ST6GALNAC3: variants seen among roughly 807,000 people sequenced by gnomAD.
ST6GALNAC3 encodes the protein ST6 N-acetylgalactosaminide alpha-2,6-sialyltransferase 3, also known as alpha-N-acetylgalactosaminide alpha-2,6-sialyltransferase 3.
A neutral mutation model predicts 32.7 loss-of-function variants in ST6GALNAC3; 25 were observed. The ratio of observed to expected loss-of-function variants is 0.76; its 90% CI spans 0.56 to 1.07. The LOEUF (loss-of-function observed/expected upper bound fraction) is 1.07, where lower values mean the gene tolerates loss of function less well. Ranked by LOEUF, ST6GALNAC3 falls within the 50% of genes least tolerant of loss-of-function variation. The pLI is 0.00. For synonymous variants in ST6GALNAC3, 129 were observed against 133.1 expected (o/e 0.97, Z 0.21); for missense variants, 355 against 382.4 (o/e 0.93, Z 0.60).
At chr1:76,217,640 A>T (rs891104047) in intron 1 of ST6GALNAC3, among the ~76,000 whole-genome samples, 1 of 152,158 alleles carries the variant, frequency 6.6e-6, no homozygotes, top group African/African-American at 2.4e-5. Flanking sequence ...CACTGTACCC[A>T]ATGTGTAGTC....
At chr1:76,115,216 C>T (rs929746619) in intron 1 of ST6GALNAC3, among the ~76,000 whole-genome samples, 18 of 152,066 alleles carry the variant, frequency 1.2e-4, no homozygotes, top group East Asian at 1.9e-4. Flanking sequence ...CCAGGCACTT[C>T]GTGGTGGAAA....
intron 1 of ST6GALNAC3, among the ~76,000 whole-genome samples, chr1:76,275,383 T>C (rs1317631830): frequency 2.0e-5 from 3 of 152,212 alleles, no homozygotes; most frequent in African/African-American, 7.2e-5. Context: ...TTTTGAAATA[T>C]TAAACTCTGA....
At position 76,484,185 on chromosome 1, in the gene ST6GALNAC3, G is replaced by T. The variant is rs1018658336; in HGVS notation, c.623+71768G>T. 2.4e-4 allele frequency among the ~76,000 whole-genome samples: 37 copies of T among 152,194 alleles called. 2 individuals carry two copies. The highest frequency in any genetic ancestry group is 2.3e-3 in the Admixed American group (35 of 15,278). On this transcript the variant is annotated intron_variant, in intron 3 of 4. Coordinates refer to ENST00000328299, the MANE Select transcript of ST6GALNAC3 (RefSeq NM_152996.4). ...CCTCCAGCTTTGTTCTTTTGGCTTA[G>T]GATTGACTTGGCAATGTGGGCTCTT...
chr1:76,332,794 A>G (rs1360016178), intron 2 of ST6GALNAC3, among the ~76,000 whole-genome samples: 2 of 152,282 alleles, frequency 1.3e-5, no homozygotes, highest in East Asian at 3.9e-4. Flanking sequence ...CCTAAATTAT[A>G]CAGTATACTT....
chr1:76,595,528 T>C (rs1340364312), intron 3 of ST6GALNAC3, among the ~76,000 whole-genome samples: 2 of 152,122 alleles, frequency 1.3e-5, no homozygotes, highest in South Asian at 2.1e-4. Flanking sequence ...GCTTAATCGA[T>C]TGCACACTTA....
At chr1:76,498,107 G>T (rs1387275065) in intron 3 of ST6GALNAC3, among the ~76,000 whole-genome samples, 1 of 152,124 alleles carries the variant, frequency 6.6e-6, no homozygotes, top group Non-Finnish European at 1.5e-5. Context: ...TCAGTAAACA[G>T]GCCACACAGC....
In ST6GALNAC3 at chr1:76,248,826, A is replaced by G. The variant is rs190324338; in HGVS notation, c.19-64979A>G. On this transcript the variant is annotated intron_variant, in intron 1 of 4. Transcript: ENST00000328299. ...TTCTTTTCCTTTGTTTGTTCACGTG[A>G]CAGAGGTGGAAAGAGGATGACACAT... Among the ~76,000 whole-genome samples the G allele has an allele frequency of 9.8e-4, 148 of 151,034 alleles. 1 individual carries two copies. Among genetic ancestry groups the G allele is most frequent in the African/African-American group, 3.3e-3 (134 of 41,034 alleles).
At chr1:76,251,894 C>T (rs1244815067) in intron 1 of ST6GALNAC3, among the ~76,000 whole-genome samples, 3 of 152,144 alleles carry the variant, frequency 2.0e-5, no homozygotes, top group Non-Finnish European at 2.9e-5. Flanking sequence ...AGAAGATACG[C>T]TCCTTAAAGG....
chr1:76,630,111 TG>T lies in ST6GALNAC3; in HGVS notation c.*1306del, dbSNP rs1266253751. ...TGTGTATTCTGCTCTCTTTAGCAGA[TG>T]ATCTGTAATTTGGTCATTGTTCTGT... is the stretch of plus-strand genomic sequence containing the variant. On this transcript the variant is annotated 3_prime_UTR_variant, in exon 5 of 5. Coordinates refer to ENST00000328299, the MANE Select transcript of ST6GALNAC3 (RefSeq NM_152996.4). 1 of 985,148 alleles carries T rather than the reference TG, an allele frequency of 1.0e-6. No homozygotes were observed. Among genetic ancestry groups the T allele is most frequent in the Non-Finnish European group, 1.2e-6 (1 of 829,818 alleles). 61.0% of individuals were successfully genotyped at this position (985,148 alleles called of 1,614,324 possible).
chr1:76,411,885 G>A, intron 2 of ST6GALNAC3, 123 bp from the exon 3 acceptor site: 3 of 1,053,230 alleles, frequency 2.8e-6, no homozygotes, highest in Non-Finnish European at 4.0e-6. Context: ...GGTATTTGTA[G>A]GTACTTCAGA....
intron 3 of ST6GALNAC3, among the ~76,000 whole-genome samples, chr1:76,566,298 G>A (rs560017819): frequency 6.5e-4 from 99 of 152,224 alleles, no homozygotes; most frequent in African/African-American, 2.0e-3. Context: ...ATGGACTATG[G>A]CAAGAACCTC....
At chr1:76,122,835 T>C (rs1648974728) in intron 1 of ST6GALNAC3, among the ~76,000 whole-genome samples, 1 of 152,136 alleles carries the variant, frequency 6.6e-6, no homozygotes, top group Non-Finnish European at 1.5e-5. Flanking sequence ...GTTGTGCATA[T>C]GCGGCATGCT....
At chr1:76,409,327 G>C (rs960081323) in intron 2 of ST6GALNAC3, among the ~76,000 whole-genome samples, 1 of 151,976 alleles carries the variant, frequency 6.6e-6, no homozygotes, top group African/African-American at 2.4e-5. Context: ...ACTCATAAAT[G>C]GGCCTTTGTG....
chr1:76,550,969 A>T (rs929118609), intron 3 of ST6GALNAC3, among the ~76,000 whole-genome samples: 1 of 152,120 alleles, frequency 6.6e-6, no homozygotes. Context: ...CACGTTTGCC[A>T]GTCTGGTCTT....
At chr1:76,581,806 T>A (rs748909196) in intron 3 of ST6GALNAC3, among the ~76,000 whole-genome samples, 1 of 152,146 alleles carries the variant, frequency 6.6e-6, no homozygotes, top group Non-Finnish European at 1.5e-5. Flanking sequence ...ATATATTGGG[T>A]GTAAATCTGC....
chr1:76,433,905 C>T (rs1655946415), intron 3 of ST6GALNAC3, among the ~76,000 whole-genome samples: 1 of 152,174 alleles, frequency 6.6e-6, no homozygotes, highest in African/African-American at 2.4e-5. Flanking sequence ...AATGCTTATT[C>T]ATTATGGTAG....
At chr1:76,291,255 C>T (rs912176348) in intron 1 of ST6GALNAC3, among the ~76,000 whole-genome samples, 1 of 152,212 alleles carries the variant, frequency 6.6e-6, no homozygotes, top group Non-Finnish European at 1.5e-5. Context: ...TTAAAATCCC[C>T]AGCACGTTGG....
chr1:76,163,923 GCCACCTA>G (rs1651963571), intron 1 of ST6GALNAC3, among the ~76,000 whole-genome samples: 1 of 152,120 alleles, frequency 6.6e-6, no homozygotes, highest in Non-Finnish European at 1.5e-5. Context: ...GAACTCAAAA[GCCACCTA>G]CCTTTAGCCT....
chr1:76,277,414 A>T (rs754577509), intron 1 of ST6GALNAC3, among the ~76,000 whole-genome samples: 19 of 151,746 alleles, frequency 1.3e-4, no homozygotes, highest in Non-Finnish European at 2.7e-4. Flanking sequence ...GACATTACAG[A>T]TAACTGGGAA....
Sources: gnomAD v4.1 joint callset for allele counts (sites outside exome capture counted in the v4.1 genomes callset) on GRCh38, gnomAD v4.1.1 for gene constraint, MANE v1.5 for transcripts, NCBI Gene and HGNC (gene_info 2026-07-23, HGNC 2026-07-21) for gene names.